FANCC: variants seen among roughly 807,000 people sequenced by gnomAD.
FANCC encodes the protein Fanconi anemia group C protein.
In FANCC, 55 loss-of-function variants were observed where a neutral mutation model predicts 71.3. The ratio of observed to expected loss-of-function variants is 0.77; its 90% CI spans 0.62 to 0.97. FANCC has a LOEUF of 0.97. Ranked by LOEUF, FANCC falls within the 50% of genes least tolerant of loss-of-function variation. The pLI is 0.00. For synonymous variants in FANCC, 275 were observed against 244.9 expected (o/e 1.12, Z -1.15); for missense variants, 678 against 670.9 (o/e 1.01, Z -0.12).
intron 1 of FANCC, among the ~76,000 whole-genome samples, chr9:95,305,450 A>G (rs1222240595): frequency 6.6e-5 from 10 of 152,368 alleles, no homozygotes; most frequent in South Asian, 4.1e-4. Flanking sequence ...TGTCTAGATG[A>G]AAGACAGGAC....
At chr9:95,241,880 C>T (rs774870263) in intron 3 of FANCC, among the ~76,000 whole-genome samples, 1 of 151,972 alleles carries the variant, frequency 6.6e-6, no homozygotes, top group Non-Finnish European at 1.5e-5. Context: ...GGCTGGTCTC[C>T]GACTCCTGAG....
chr9:95,284,422 C>G lies in FANCC; in HGVS notation c.-79+33104G>C, dbSNP rs570023944. 3.4e-3 allele frequency among the ~76,000 whole-genome samples: 517 copies of G among 152,280 alleles called. 3 individuals are homozygous for G. The highest frequency in any genetic ancestry group is 4.7e-3 in the Non-Finnish European group (320 of 68,022). ...TAAACACTAGTACGCAACAAAATGA[C>G]TGTAAAAGTCATGTGGTTCCTATTG... On this transcript the variant is annotated intron_variant, in intron 1 of 14. Transcript: ENST00000289081.
intron 4 of FANCC, among the ~76,000 whole-genome samples, chr9:95,216,356 A>T (rs1379820388): frequency 2.0e-5 from 3 of 152,252 alleles, no homozygotes; most frequent in African/African-American, 7.2e-5. Context: ...AAAAAATGAC[A>T]GAATTGAAAA....
rs2072242098 is a variant in FANCC, at chr9:95,114,648, C to A, written c.1135G>T (p.Val379Phe). 1 of 1,614,056 alleles carries A rather than the reference C, an allele frequency of 6.2e-7. No homozygotes were observed. Among genetic ancestry groups the A allele is most frequent in the Non-Finnish European group, 8.5e-7 (1 of 1,180,000 alleles). Residue 379 changes from valine to phenylalanine, a missense_variant, in exon 12 of 15, where the codon GTT becomes TTT. Val to Phe is a conservative substitution (Grantham distance 50). Transcript: ENST00000289081. ...KHISELLREA[V>F]EDQTHGSCGG... ...GCTCACCCATGAGTCTGGTCTTCAA[C>A]TGCTTCTCTGAGCAGTTCAGAAATA...
intron 1 of FANCC, among the ~76,000 whole-genome samples, chr9:95,279,841 G>C (rs920461789): frequency 2.6e-5 from 4 of 151,534 alleles, no homozygotes; most frequent in Non-Finnish European, 4.4e-5. Flanking sequence ...CCAGCTACTC[G>C]GGTGGGTGAG....
intron 14 of FANCC, among the ~76,000 whole-genome samples, chr9:95,103,446 G>A (rs759426852): frequency 1.3e-5 from 2 of 152,220 alleles, no homozygotes; most frequent in Non-Finnish European, 2.9e-5. Flanking sequence ...TGTTGTTGCT[G>A]TGGCCCAGCA....
intron 1 of FANCC, among the ~76,000 whole-genome samples, chr9:95,266,042 G>A (rs1314615017): frequency 6.6e-6 from 1 of 152,182 alleles, no homozygotes; most frequent in Non-Finnish European, 1.5e-5. Flanking sequence ...AGCATGAGCA[G>A]GAGTGAGCTA....
At chr9:95,159,495 G>A (rs547545709) in intron 6 of FANCC, among the ~76,000 whole-genome samples, 17 of 152,260 alleles carry the variant, frequency 1.1e-4, no homozygotes, top group South Asian at 2.1e-4. Context: ...ATAAACATAC[G>A]TGTGCATGTA....
chr9:95,200,159 C>T (rs949178216), intron 4 of FANCC, among the ~76,000 whole-genome samples: 6 of 152,014 alleles, frequency 3.9e-5, no homozygotes, highest in African/African-American at 1.4e-4. Context: ...TTTGAAAATC[C>T]GGCACATGAA....
intron 1 of FANCC, among the ~76,000 whole-genome samples, chr9:95,253,011 T>C (rs192753573): frequency 1.7e-3 from 253 of 151,760 alleles, no homozygotes; most frequent in Middle Eastern, 3.4e-3. Flanking sequence ...TGAGCTAGGA[T>C]AGCACCACTG....
At chr9:95,269,710 G>C (rs185455359) in intron 1 of FANCC, among the ~76,000 whole-genome samples, 2 of 152,076 alleles carry the variant, frequency 1.3e-5, no homozygotes, top group African/African-American at 4.8e-5. Context: ...ATTCCAGCCT[G>C]GTTATCACGT....
chr9:95,311,609 C>T (rs1454070488), intron 1 of FANCC, among the ~76,000 whole-genome samples: 2 of 152,072 alleles, frequency 1.3e-5, no homozygotes, highest in African/African-American at 4.8e-5. Context: ...GAGACTTGAA[C>T]TCACAATCTT....
At chr9:95,150,811 T>C (rs749292629) in intron 6 of FANCC, among the ~76,000 whole-genome samples, 3 of 152,140 alleles carry the variant, frequency 2.0e-5, no homozygotes, top group Admixed American at 6.5e-5. Context: ...CTGCCCCAAA[T>C]AAAGTCCTGC....
At chr9:95,285,055 A>G (rs1564827254) in intron 1 of FANCC, among the ~76,000 whole-genome samples, 1 of 152,166 alleles carries the variant, frequency 6.6e-6, no homozygotes. Flanking sequence ...ATCTAGAAGA[A>G]CATGAAGATA....
At chr9:95,159,692 CTGT>C (rs1398095070) in intron 6 of FANCC, among the ~76,000 whole-genome samples, 3 of 152,176 alleles carry the variant, frequency 2.0e-5, no homozygotes, top group Non-Finnish European at 4.4e-5. Context: ...TCTCCAGCAC[CTGT>C]TGTTTCCTGA....
At chr9:95,194,895 A>G (rs1827330670) in intron 4 of FANCC, among the ~76,000 whole-genome samples, 1 of 152,106 alleles carries the variant, frequency 6.6e-6, no homozygotes, top group African/African-American at 2.4e-5. Flanking sequence ...TGGGGTAGCA[A>G]GTATAGAAAC....
chr9:95,165,358 CTTATT>C (rs1474954054), intron 6 of FANCC, among the ~76,000 whole-genome samples: 1 of 151,464 alleles, frequency 6.6e-6, no homozygotes, highest in African/African-American at 2.4e-5. Flanking sequence ...TGAGATCCTT[CTTATT>C]TTCTTTTTTT....
intron 4 of FANCC, among the ~76,000 whole-genome samples, chr9:95,199,723 G>A (rs921510397): frequency 1.3e-5 from 2 of 152,178 alleles, no homozygotes; most frequent in African/African-American, 4.8e-5. Flanking sequence ...CCAAGGATGA[G>A]TGTTTACAGT....
At chr9:95,212,807 C>T (rs1213588230) in intron 4 of FANCC, among the ~76,000 whole-genome samples, 1 of 152,130 alleles carries the variant, frequency 6.6e-6, no homozygotes, top group Non-Finnish European at 1.5e-5. Context: ...CCACGATAAA[C>T]AGAAGGGAGA....
Sources: gnomAD v4.1 joint callset for allele counts (sites outside exome capture counted in the v4.1 genomes callset) on GRCh38, gnomAD v4.1.1 for gene constraint, MANE v1.5 for transcripts, NCBI Gene and HGNC (gene_info 2026-07-23, HGNC 2026-07-21) for gene names.